Variants in FANCB observed in about 807,000 individuals in gnomAD.
FANCB encodes Fanconi anemia group B protein.
FANCB carries 5 observed loss-of-function variants against 38.9 expected under a neutral mutation model. That is an observed-to-expected ratio of 0.13 (90% CI 0.07 to 0.27). The LOEUF is 0.27. Ranked by LOEUF, FANCB falls within the 10% of genes least tolerant of loss-of-function variation. The probability of loss-of-function intolerance (pLI) is 1.00; values close to 1 mark genes in which losing one functional copy is unlikely to be tolerated. For missense variants in FANCB, 573 were observed against 602.7 expected, an observed-to-expected ratio of 0.95 and a Z score of 0.52; for synonymous variants, 236 against 215.4, an observed-to-expected ratio of 1.10 and a Z score of -0.84.
chrX:14,694,397 T>C, the FANCB span, among the ~76,000 whole-genome samples: 3 of 111,897 alleles, frequency 2.7e-5, no homozygotes, highest in Non-Finnish European at 5.7e-5. Context: ...TAGTAGAGAA[T>C]GAGAGGGACA....
At chrX:14,690,886 T>C in the FANCB span, 2 of 1,196,570 alleles carry the variant, frequency 1.7e-6, no homozygotes, top group East Asian at 3.0e-5. Flanking sequence ...GTTCAGACAA[T>C]GTAGAGCTTG....
the FANCB span, among the ~76,000 whole-genome samples, chrX:14,795,963 T>A: frequency 8.9e-6 from 1 of 111,794 alleles, no homozygotes; most frequent in Non-Finnish European, 1.9e-5. Context: ...ATTTGATAGG[T>A]GCCTTATAAT....
chrX:14,819,787 A>C, the FANCB span, among the ~76,000 whole-genome samples: 1 of 111,575 alleles, frequency 9.0e-6, no homozygotes, highest in East Asian at 2.8e-4. Context: ...TTGGATGTCA[A>C]AATATTTCTC....
chrX:14,776,741 A>G, the FANCB span, among the ~76,000 whole-genome samples: 4 of 112,716 alleles, frequency 3.5e-5, no homozygotes, highest in Non-Finnish European at 5.6e-5. Context: ...TTCAAAGGAA[A>G]CACCACAGTA....
the FANCB span, among the ~76,000 whole-genome samples, chrX:14,809,977 A>G: frequency 8.9e-6 from 1 of 111,886 alleles, no homozygotes; most frequent in Non-Finnish European, 1.9e-5. Flanking sequence ...TACCCCTCTG[A>G]GACAAAAATT....
chrX:14,852,958 T>C (rs2092407811), intron 6 of FANCB, 81 bp downstream of exon 6: 2 of 912,899 alleles, frequency 2.2e-6, no homozygotes, highest in Non-Finnish European at 3.1e-6. Context: ...TATATTCTAA[T>C]ATTCCAATTT....
the FANCB span, among the ~76,000 whole-genome samples, chrX:14,796,297 G>A: frequency 5.5e-5 from 6 of 108,204 alleles, no homozygotes; most frequent in South Asian, 2.0e-3. Flanking sequence ...GGTTTCCAAC[G>A]TGGCTGTTGG....
At chrX:14,780,321 C>T in the FANCB span, among the ~76,000 whole-genome samples, 9 of 109,921 alleles carry the variant, frequency 8.2e-5, 1 homozygote, top group African/African-American at 2.4e-4. Context: ...ATATTAAAGT[C>T]GAATATTGAA....
chrX:14,773,889 A>C, the FANCB span, among the ~76,000 whole-genome samples: 1 of 111,418 alleles, frequency 9.0e-6, no homozygotes, highest in East Asian at 2.8e-4. Flanking sequence ...CCCGGGGAAG[A>C]GTCTTAATTT....
At chrX:14,751,088 C>A in the FANCB span, among the ~76,000 whole-genome samples, 1 of 111,970 alleles carries the variant, frequency 8.9e-6, no homozygotes, top group South Asian at 3.7e-4. Context: ...ATAGCGCCCT[C>A]ATGGCATCTC....
At chrX:14,773,977 C>G in the FANCB span, among the ~76,000 whole-genome samples, 2 of 110,853 alleles carry the variant, frequency 1.8e-5, no homozygotes, top group South Asian at 7.6e-4. Flanking sequence ...CAGGACCCAC[C>G]CAAATCATAT....
intron 5 of FANCB, among the ~76,000 whole-genome samples, chrX:14,856,995 G>A (rs1405792263): frequency 2.7e-5 from 3 of 111,964 alleles, no homozygotes; most frequent in Non-Finnish European, 3.8e-5. Flanking sequence ...AGTTGCATGA[G>A]GAGAATATCC....
chrX:14,760,770 A>G, the FANCB span, among the ~76,000 whole-genome samples: 2 of 111,480 alleles, frequency 1.8e-5, no homozygotes, highest in Non-Finnish European at 3.8e-5. Flanking sequence ...GGAGTTCGAG[A>G]CCACCCTGGC....
intron 1 of FANCB, among the ~76,000 whole-genome samples, chrX:14,872,007 C>T (rs1414067820): frequency 9.0e-6 from 1 of 110,713 alleles, no homozygotes; most frequent in East Asian, 2.8e-4. Context: ...AGTGACAGAG[C>T]CAGGATTCAA....
the FANCB span, among the ~76,000 whole-genome samples, chrX:14,763,604 A>C: frequency 8.9e-6 from 1 of 111,816 alleles, no homozygotes; most frequent in Non-Finnish European, 1.9e-5. Flanking sequence ...TTGCTTTGTA[A>C]AAATTTGTCA....
intron 5 of FANCB, among the ~76,000 whole-genome samples, chrX:14,857,241 A>G (rs2092426916): frequency 8.9e-6 from 1 of 112,520 alleles, no homozygotes; most frequent in African/African-American, 3.2e-5. Flanking sequence ...GCAGCTTACA[A>G]AAGAACATAC....
chrX:14,775,169 T>G, the FANCB span, among the ~76,000 whole-genome samples: 19 of 94,617 alleles, frequency 2.0e-4, no homozygotes, highest in South Asian at 1.0e-3. Flanking sequence ...TGTTTTTTTT[T>G]TTTTTTTTTT....
chrX:14,792,071 G>A, the FANCB span, among the ~76,000 whole-genome samples: 1 of 111,177 alleles, frequency 9.0e-6, no homozygotes, highest in African/African-American at 3.3e-5. Context: ...TTTTACATTG[G>A]AAAAGCTTTA....
the FANCB span, among the ~76,000 whole-genome samples, chrX:14,695,514 C>T: frequency 3.6e-5 from 4 of 111,804 alleles, no homozygotes; most frequent in East Asian, 8.4e-4. Context: ...ACTATTTCAC[C>T]CATTTTAATA....
Sources: gnomAD v4.1 joint callset for allele counts (sites outside exome capture counted in the v4.1 genomes callset) on GRCh38, gnomAD v4.1.1 for gene constraint, MANE v1.5 for transcripts, NCBI Gene and HGNC (gene_info 2026-07-23, HGNC 2026-07-21) for gene names.